VPS13B: variants seen among roughly 807,000 people sequenced by gnomAD.
VPS13B encodes the protein vacuolar protein sorting 13 homolog B.
A neutral mutation model predicts 426.4 loss-of-function variants in VPS13B; 285 were observed. That is an observed-to-expected ratio of 0.67 (90% CI 0.61 to 0.74). The LOEUF (loss-of-function observed/expected upper bound fraction) is 0.74, where lower values mean the gene tolerates loss of function less well. Ranked by LOEUF, VPS13B falls within the 30% of genes least tolerant of loss-of-function variation. The pLI is 0.00. For missense variants in VPS13B, 4,537 were observed against 4,782.6 expected (o/e 0.95, Z 1.51); for synonymous variants, 1,676 against 1,676.4 (o/e 1.00, Z 0.01).
chr8:99,655,551 G>T (rs1829991917), intron 34 of VPS13B, among the ~76,000 whole-genome samples: 1 of 152,126 alleles, frequency 6.6e-6, no homozygotes, highest in South Asian at 2.1e-4. Context: ...TAGGATTGTA[G>T]ATGGAATCAG....
intron 17 of VPS13B, among the ~76,000 whole-genome samples, chr8:99,194,875 CT>C (rs1813819971): frequency 6.6e-6 from 1 of 152,036 alleles, no homozygotes; most frequent in Non-Finnish European, 1.5e-5. Context: ...GAGATGGAGC[CT>C]TGCTCTGTTG....
At chr8:99,292,951 T>C (rs1038723638) in intron 19 of VPS13B, among the ~76,000 whole-genome samples, 9 of 152,176 alleles carry the variant, frequency 5.9e-5, no homozygotes, top group Non-Finnish European at 1.0e-4. Flanking sequence ...AAGGGGATTT[T>C]TAGAAAATAG....
At chr8:99,564,889 T>C (rs1425587672) in intron 31 of VPS13B, among the ~76,000 whole-genome samples, 6 of 152,238 alleles carry the variant, frequency 3.9e-5, no homozygotes, top group African/African-American at 1.4e-4. Flanking sequence ...CTCGTAGGCT[T>C]GTGCTAAAGT....
At chr8:99,295,310 T>G (rs1254714807) in intron 19 of VPS13B, among the ~76,000 whole-genome samples, 11 of 152,128 alleles carry the variant, frequency 7.2e-5, no homozygotes, top group Admixed American at 6.6e-4. Context: ...ATTAATGAAA[T>G]AAGTATCTTT....
intron 17 of VPS13B, among the ~76,000 whole-genome samples, chr8:99,240,392 A>G (rs9792181): frequency 0.74 from 112,471 of 152,062 alleles, 42,272 homozygotes; most frequent in South Asian, 0.86. Flanking sequence ...GTATTTCCTT[A>G]CAGTCTGATA....
chr8:99,342,818 C>T (rs1811324394), intron 19 of VPS13B, among the ~76,000 whole-genome samples: 1 of 148,978 alleles, frequency 6.7e-6, no homozygotes, highest in South Asian at 2.2e-4. Flanking sequence ...GAGGAACCTC[C>T]ATACCGTTTT....
intron 19 of VPS13B, chr8:99,340,447 T>C: frequency 2.1e-6 from 1 of 486,598 alleles, no homozygotes; most frequent in South Asian, 1.6e-5. Flanking sequence ...AGCCTTCAGA[T>C]TCTTCTCAGA....
intron 19 of VPS13B, among the ~76,000 whole-genome samples, chr8:99,335,894 G>A (rs1367048315): frequency 6.6e-6 from 1 of 152,204 alleles, no homozygotes; most frequent in Non-Finnish European, 1.5e-5. Context: ...GACATTCCAT[G>A]CTCATGGGTA....
chr8:99,431,330 G>C (rs1817099784), intron 21 of VPS13B, among the ~76,000 whole-genome samples: 1 of 152,114 alleles, frequency 6.6e-6, no homozygotes, highest in Non-Finnish European at 1.5e-5. Flanking sequence ...ATGCTCTCCT[G>C]ACTTCTAACA....
At chr8:99,456,164 A>T (rs115252471) in intron 23 of VPS13B, among the ~76,000 whole-genome samples, 3,099 of 152,002 alleles carry the variant, frequency 0.02, 115 homozygotes, top group African/African-American at 0.071. Context: ...GTTTACTGAG[A>T]CCTTGAATTT....
chr8:99,240,256 T>C (rs1418828265), intron 17 of VPS13B, among the ~76,000 whole-genome samples: 15 of 152,218 alleles, frequency 9.9e-5, no homozygotes, highest in Admixed American at 9.8e-4. Flanking sequence ...TAAAGAATAT[T>C]AATAAGGCCT....
chr8:99,374,155 T>C (rs1813343468), intron 19 of VPS13B, among the ~76,000 whole-genome samples: 1 of 151,886 alleles, frequency 6.6e-6, no homozygotes. Context: ...TTATATGTAT[T>C]GTGTCTTTTT....
At chr8:99,826,941 G>A (rs1814723374) in intron 51 of VPS13B, among the ~76,000 whole-genome samples, 1 of 152,084 alleles carries the variant, frequency 6.6e-6, no homozygotes. Flanking sequence ...TGGTGGTTAA[G>A]ACTTTTAATG....
intron 19 of VPS13B, among the ~76,000 whole-genome samples, chr8:99,311,764 G>A (rs538653919): frequency 6.6e-6 from 1 of 152,286 alleles, no homozygotes; most frequent in South Asian, 2.1e-4. Flanking sequence ...AATGTTGATA[G>A]TGGGGTGTTA....
intron 2 of VPS13B, among the ~76,000 whole-genome samples, chr8:99,034,198 G>A (rs1020541499): frequency 2.4e-4 from 37 of 152,218 alleles, no homozygotes; most frequent in Non-Finnish European, 8.8e-5. Context: ...TGTCTGTTTC[G>A]TGTGCCTTCT....
chr8:99,144,818 C>G (rs1810617732), intron 13 of VPS13B, among the ~76,000 whole-genome samples: 1 of 152,002 alleles, frequency 6.6e-6, no homozygotes, highest in African/African-American at 2.4e-5. Context: ...AAATAGTAAA[C>G]AAGTTAAAAT....
Position 99,134,543 on chromosome 8 carries a change from G to T in VPS13B, c.1207-89G>T, listed in dbSNP as rs1395414523. On this transcript the variant is annotated intron_variant, in intron 8 of 61. Transcript: ENST00000357162. ...TTAAATTTCCTGAATCTTAAAATTG[G>T]CCTTGTTTTAATCAATTAATCATCA... 4 of 1,037,712 alleles carry T rather than the reference G, an allele frequency of 3.9e-6. No homozygotes were observed. In the African/African-American group the frequency reaches 4.9e-5, roughly 13 times the overall value. 64.3% of individuals were successfully genotyped at this position (1,037,712 alleles called of 1,614,324 possible). A position where few individuals can be genotyped will look rare whatever the true frequency, so the allele number is the denominator to read the frequency against.
At chr8:99,265,749 T>A (rs768071597) in intron 17 of VPS13B, among the ~76,000 whole-genome samples, 3 of 152,204 alleles carry the variant, frequency 2.0e-5, no homozygotes, top group Non-Finnish European at 4.4e-5. Flanking sequence ...GGCCTCTTTT[T>A]AATTCTTATA....
chr8:99,165,876 TA>T (rs1371641111), intron 15 of VPS13B, among the ~76,000 whole-genome samples: 1 of 152,226 alleles, frequency 6.6e-6, no homozygotes, highest in African/African-American at 2.4e-5. Flanking sequence ...TGTAGGAACT[TA>T]AATAACAAGA....
Sources: allele counts gnomAD v4.1 joint callset (sites outside exome capture counted in the v4.1 genomes callset), GRCh38; gene constraint gnomAD v4.1.1; transcripts MANE v1.5; gene names NCBI Gene and HGNC (gene_info 2026-07-23, HGNC 2026-07-21).